The following FBXO38 variants were observed in gnomAD, a reference collection of about 807,000 sequenced individuals.
The protein encoded by FBXO38 is F-box only protein 38.
A neutral mutation model predicts 131.9 loss-of-function variants in FBXO38; 53 were observed. The observed-to-expected ratio is 0.40, with a 90% CI of 0.32 to 0.51. FBXO38 has a LOEUF of 0.51. FBXO38 is among the 20% of genes least tolerant of loss of function. The probability of loss-of-function intolerance (pLI) is 0.53; values close to 1 mark genes in which losing one functional copy is unlikely to be tolerated. For synonymous variants in FBXO38, 452 were observed against 505.6 expected (o/e 0.89, Z 1.42); for missense variants, 1,076 against 1,475.6 (o/e 0.73, Z 4.44).
chr5:148,415,316 A>T (rs1194480664), intron 10 of FBXO38: 1 of 152,236 alleles, frequency 6.6e-6, no homozygotes, highest in Non-Finnish European at 1.5e-5. Context: ...TAAAAAAATA[A>T]GTAATACATG....
intron 3 of FBXO38, among the ~76,000 whole-genome samples, chr5:148,400,434 T>C (rs2113526683): frequency 6.6e-6 from 1 of 152,242 alleles, no homozygotes; most frequent in Admixed American, 6.5e-5. Flanking sequence ...TTAACATCAC[T>C]ACCACTTACC....
rs73264591 is a variant in FBXO38 at position 148,421,293 on chromosome 5, G to A, written c.1619-2705G>A. On this transcript the variant is annotated intron_variant, in intron 12 of 21. Coordinates refer to ENST00000340253, the MANE Select transcript of FBXO38 (RefSeq NM_205836.3). ...ATTTGAATTTTTGAAAAGTACCCAG[G>A]TGGAGCTGATACTGCTGGTCTGGGA... 4.9e-3 allele frequency among the ~76,000 whole-genome samples: 752 copies of A among 152,240 alleles called. 4 individuals are homozygous for A. Among genetic ancestry groups the A allele is most frequent in the African/African-American group, 0.017 (704 of 41,548 alleles).
In FBXO38 at chr5:148,414,375, A is replaced by C. The variant is rs904894619; in HGVS notation, c.1264+69A>C. ...AATAATACAACTTTCCATGTTTTCT[A>C]TGTGTGATATGATTGCATTCCTAAT... is the stretch of plus-strand genomic sequence containing the variant. On this transcript the variant is annotated intron_variant, in intron 10 of 21. Transcript: ENST00000340253. 10 of 1,274,862 alleles carry C rather than the reference A, an allele frequency of 7.8e-6. No homozygotes were observed. The African/African-American group carries it at 1.4e-4, about 17-fold the overall frequency. 79.0% of individuals were successfully genotyped at this position (1,274,862 alleles called of 1,614,324 possible).
chr5:148,393,740 A>C (rs751678444), intron 1 of FBXO38, among the ~76,000 whole-genome samples: 3 of 152,170 alleles, frequency 2.0e-5, no homozygotes, highest in Non-Finnish European at 4.4e-5. Context: ...AATGAATCTG[A>C]ATGCACCTCT....
At chr5:148,419,405 GA>G (rs1753268916) in intron 12 of FBXO38, among the ~76,000 whole-genome samples, 1 of 151,920 alleles carries the variant, frequency 6.6e-6, no homozygotes, top group South Asian at 2.1e-4. Flanking sequence ...TAAGGAACTA[GA>G]AAAAGACTGA....
intron 19 of FBXO38, among the ~76,000 whole-genome samples, chr5:148,440,008 A>AG (rs1283363661): frequency 6.6e-6 from 1 of 152,244 alleles, no homozygotes; most frequent in Non-Finnish European, 1.5e-5. Context: ...ACTCAGGTAA[A>AG]AATTACAAGA....
At chr5:148,394,280 A>C (rs1199346761) in intron 1 of FBXO38, among the ~76,000 whole-genome samples, 5 of 152,226 alleles carry the variant, frequency 3.3e-5, no homozygotes, top group Admixed American at 1.3e-4. Flanking sequence ...TTAGAACCCA[A>C]GAATCTCTTC....
At position 148,433,444 on chromosome 5, in the gene FBXO38, C is replaced by T. The variant is rs763710454; in HGVS notation, c.2674C>T (p.Arg892Cys). 14 of 1,612,868 alleles carry T rather than the reference C, an allele frequency of 8.7e-6. No homozygotes were observed. The highest frequency in any genetic ancestry group is 5.5e-5 in the South Asian group (5 of 90,744). Reference protein sequence around the residue: ...SESEVAKTKPRHAMKRKRTAD... With the variant: ...SESEVAKTKPCHAMKRKRTAD... ...TTTAGAAGTAGCCAAAACAAAGCCACGTCACGCCATGAAACGGAAGCGGAC... is the reference window on the plus strand; with the variant it reads ...TTTAGAAGTAGCCAAAACAAAGCCATGTCACGCCATGAAACGGAAGCGGAC... The change falls in exon 16 of 22, where the codon CGT becomes TGT. Residue 892 changes from arginine to cysteine, a missense_variant. Coordinates refer to ENST00000340253, the MANE Select transcript of FBXO38 (RefSeq NM_205836.3).
chr5:148,439,620 G>GGTCCATGGAAAGATTGTTCA, intron 18 of FBXO38, 27 bp from the exon 19 acceptor site: 2 of 1,605,718 alleles, frequency 1.2e-6, no homozygotes, highest in East Asian at 2.2e-5. Flanking sequence ...CTTTGTTGAA[G>GGTCCATGGAAAGATTGTTCA]ACATCTCTTT....
At position 148,414,226 on chromosome 5, in the gene FBXO38, T is replaced by G; in HGVS notation, c.1184T>G (p.Val395Gly). The change falls in exon 10 of 22, where the codon GTC becomes GGC. Residue 395 changes from valine to glycine, a missense_variant. By Grantham distance (109) the Val-to-Gly change is moderately radical. Coordinates refer to ENST00000340253, the MANE Select transcript of FBXO38 (RefSeq NM_205836.3). ...GIITDIGMKA[V>G]NEVFSCIKYL... is the part of the protein sequence containing the mutation. ...ATCACTGATATAGGGATGAAAGCAG[T>G]CAATGAAGTTTTTTCCTGTATCAAA... The G allele has an allele frequency of 6.2e-7, 1 of 1,612,884 alleles. No individual in the cohort carries two copies. The highest frequency in any genetic ancestry group is 8.5e-7 in the Non-Finnish European group (1 of 1,179,412).
chr5:148,420,636 G>A (rs559353664), intron 12 of FBXO38, among the ~76,000 whole-genome samples: 4 of 151,972 alleles, frequency 2.6e-5, no homozygotes, highest in South Asian at 2.1e-4. Flanking sequence ...TAAATACAGC[G>A]TCATTCCCTC....
chr5:148,409,274 A>G (rs768400203), intron 8 of FBXO38, 57 bp downstream of exon 8: 19 of 1,187,564 alleles, frequency 1.6e-5, no homozygotes, highest in East Asian at 2.3e-5. Flanking sequence ...GTTTTTCCCT[A>G]TTTTACAAAA....
At chr5:148,387,199 C>G (rs753553903) in intron 1 of FBXO38, among the ~76,000 whole-genome samples, 5 of 152,202 alleles carry the variant, frequency 3.3e-5, no homozygotes, top group Non-Finnish European at 7.3e-5. Context: ...GCCGTATCAA[C>G]TGAGTTTATG....
chr5:148,398,313 A>G (rs1751924056), intron 2 of FBXO38, among the ~76,000 whole-genome samples: 1 of 152,154 alleles, frequency 6.6e-6, no homozygotes, highest in Admixed American at 6.5e-5. Flanking sequence ...ACAGAACAAA[A>G]GTCAGGATTA....
At chr5:148,397,559 A>C (rs375121800) in intron 2 of FBXO38, 3 of 152,228 alleles carry the variant, frequency 2.0e-5, no homozygotes, top group East Asian at 3.8e-4. Flanking sequence ...AGAGTAAATT[A>C]AGTTATGGCT....
At chr5:148,413,088 T>C (rs753324881) in intron 9 of FBXO38, among the ~76,000 whole-genome samples, 25 of 152,108 alleles carry the variant, frequency 1.6e-4, no homozygotes, top group Non-Finnish European at 3.4e-4. Context: ...AAGTTTCATC[T>C]GAAGTCCTAA....
At chr5:148,407,635 G>A (rs1752514067) in intron 7 of FBXO38, among the ~76,000 whole-genome samples, 1 of 151,610 alleles carries the variant, frequency 6.6e-6, no homozygotes, top group South Asian at 2.1e-4. Flanking sequence ...TTGAGAGAGT[G>A]AAAAACCGGC....
intron 7 of FBXO38, among the ~76,000 whole-genome samples, chr5:148,406,793 A>G (rs1752468952): frequency 1.3e-5 from 2 of 152,162 alleles, no homozygotes; most frequent in Admixed American, 1.3e-4. Flanking sequence ...TCTCTATCAC[A>G]TAATACTTTA....
Position 148,414,125 on chromosome 5 carries a change from G to C in FBXO38, c.1094-11G>C. 6.4e-7 allele frequency: 1 copy of C among 1,559,310 alleles called. No homozygotes were observed. The highest frequency in any genetic ancestry group is 8.6e-7 in the Non-Finnish European group (1 of 1,159,842). The stretch of plus-strand genomic sequence containing the variant: ...TGACTTTTTTTTTTTTTAATTGATT[G>C]CTCTTTTTAGGCAGAATGGCTAATG... On this transcript the variant is annotated splice_polypyrimidine_tract_variant and intron_variant, in intron 9 of 21. Transcript: ENST00000340253.
Sources: allele counts gnomAD v4.1 joint callset (sites outside exome capture counted in the v4.1 genomes callset), GRCh38; gene constraint gnomAD v4.1.1; transcripts MANE v1.5; gene names NCBI Gene and HGNC (gene_info 2026-07-23, HGNC 2026-07-21).